Variants in CSF2RA observed in about 807,000 individuals in gnomAD.
CSF2RA encodes the protein colony stimulating factor 2 receptor subunit alpha.
A neutral mutation model predicts 51.6 loss-of-function variants in CSF2RA; 42 were observed. The ratio of observed to expected loss-of-function variants is 0.81; its 90% CI spans 0.64 to 1.05. CSF2RA has a LOEUF of 1.05. Among genes scored for constraint, CSF2RA ranks in the 50% least tolerant of loss-of-function variants. The probability of loss-of-function intolerance (pLI) is 0.00; values close to 1 mark genes in which losing one functional copy is unlikely to be tolerated. For synonymous variants in CSF2RA, 222 were observed against 193.0 expected, an observed-to-expected ratio of 1.15 and a Z score of -1.24; for missense variants, 530 against 501.1, an observed-to-expected ratio of 1.06 and a Z score of -0.55.
At chrX:1,321,596 C>T in the CSF2RA span, among the ~76,000 whole-genome samples, 1 of 151,292 alleles carries the variant, frequency 6.6e-6, no homozygotes, top group African/African-American at 2.4e-5. Flanking sequence ...AAAAGAAACG[C>T]AGACAGCATT....
In CSF2RA at chrX:1,305,492, G is replaced by A. The variant is rs1229381670; in HGVS notation, c.1090G>A (p.Asp364Asn). The change falls in exon 12 of 13, where the codon GAC becomes AAC. Residue 364 changes from aspartate to asparagine, a missense_variant. Asp to Asn is a conservative substitution (Grantham distance 23). Coordinates refer to ENST00000381529, the MANE Select transcript of CSF2RA (RefSeq NM_172245.4). ...RLFPPVPQIK[D>N]KLNDNHEVED... ...GTTCCCGCCAGTTCCACAGATCAAA[G>A]ACAAACTGAATGATAACCATGAGGT... is the stretch of plus-strand genomic sequence containing the variant. The A allele has an allele frequency of 1.9e-6, 3 of 1,613,840 alleles. No homozygotes were observed. In the African/African-American group the frequency reaches 4.0e-5, roughly 22 times the overall value.
At chrX:1,294,290 T>A in intron 7 of CSF2RA, 38 bp from the exon 8 acceptor site, 3 of 1,611,326 alleles carry the variant, frequency 1.9e-6, no homozygotes, top group Non-Finnish European at 2.5e-6. Context: ...AGACAGGACC[T>A]CTCGGGTTCA....
chrX:1,274,943 A>G (rs1310595838), intron 2 of CSF2RA, 125 bp downstream of exon 2: 1 of 427,540 alleles, frequency 2.3e-6, no homozygotes, highest in Non-Finnish European at 4.7e-6. Flanking sequence ...AACTCAGGGC[A>G]GAAGAATCTG....
At chrX:1,280,955 C>CCTTCTCCTA in intron 2 of CSF2RA, among the ~76,000 whole-genome samples, 1 of 111,614 alleles carries the variant, frequency 9.0e-6, no homozygotes, top group Non-Finnish European at 2.0e-5. Context: ...TGCTTCTCCT[C>CCTTCTCCTA]CTCCTCCTTC....
At chrX:1,303,874 C>T in intron 10 of CSF2RA, 49 bp from the exon 11 acceptor site, 1 of 1,441,540 alleles carries the variant, frequency 6.9e-7, no homozygotes, top group Non-Finnish European at 9.8e-7. Context: ...TTTCCTTTCA[C>T]ATGTCCGTCA....
the CSF2RA span, among the ~76,000 whole-genome samples, chrX:1,320,226 G>C: frequency 6.6e-6 from 1 of 150,756 alleles, no homozygotes; most frequent in African/African-American, 2.4e-5. Context: ...TGGAGTTTCA[G>C]CATGTTGGTC....
intron 2 of CSF2RA, 111 bp from the exon 3 acceptor site, chrX:1,282,567 G>C (rs372107447): frequency 1.2e-6 from 1 of 815,712 alleles, no homozygotes; most frequent in Non-Finnish European, 2.2e-6. Flanking sequence ...CCAGGTCAGC[G>C]GCTGACCACC....
chrX:1,299,617 TTTC>T (rs200585515), intron 9 of CSF2RA, among the ~76,000 whole-genome samples: 13,038 of 152,050 alleles, frequency 0.086, 749 homozygotes, highest in Non-Finnish European at 0.13. Context: ...ACAATTTCTG[TTTC>T]AGAAAATAAA....
chrX:1,287,950 T>G (rs1423607963), intron 4 of CSF2RA, among the ~76,000 whole-genome samples: 1 of 148,726 alleles, frequency 6.7e-6, no homozygotes, highest in Admixed American at 6.7e-5. Flanking sequence ...TTGGCCAGGC[T>G]GGTCTTGAAC....
chrX:1,283,549 T>C (rs111709758), intron 3 of CSF2RA, among the ~76,000 whole-genome samples: 37 of 150,538 alleles, frequency 2.5e-4, no homozygotes, highest in African/African-American at 8.5e-4. Flanking sequence ...CTTTCTTCTT[T>C]CTTTCTTTCT....
intron 2 of CSF2RA, chrX:1,281,933 C>A (rs1328351619): frequency 6.8e-6 from 1 of 146,430 alleles, no homozygotes; most frequent in Non-Finnish European, 1.5e-5. Flanking sequence ...CGGTGGCTCA[C>A]GCCTGTAATC....
chrX:1,304,087 A>T, intron 11 of CSF2RA, 68 bp downstream of exon 11: 1 of 1,300,022 alleles, frequency 7.7e-7, no homozygotes, highest in Non-Finnish European at 1.1e-6. Context: ...CGCTTTGTCC[A>T]GTCTCTGTCT....
downstream of CSF2RA, among the ~76,000 whole-genome samples, chrX:1,313,962 G>T (rs1359168965): frequency 2.0e-5 from 3 of 152,024 alleles, no homozygotes; most frequent in African/African-American, 7.2e-5. Context: ...TTGCACTCCG[G>T]CCTGGGTGAC....
In CSF2RA at chrX:1,294,389, G is replaced by A. The variant is rs749330435; in HGVS notation, c.708G>A (p.Arg236=). The change falls in exon 8 of 13, where the codon CGG becomes CGA. Residue 236 remains arginine (R), a synonymous_variant. Coordinates refer to ENST00000381529, the MANE Select transcript of CSF2RA (RefSeq NM_172245.4). ...GCAACACGACGCACTGCCTCGTACG[G>A]TGGAAACAGCCCAGGACCTATCAGA... The part of the protein sequence containing the change: ...VRCNTTHCLV[R]WKQPRTYQKL... The A allele has an allele frequency of 8.7e-6, 14 of 1,613,974 alleles. No homozygotes were observed. In the Admixed American group the frequency reaches 2.2e-4, roughly 25 times the overall value.
chrX:1,294,564 C>A, intron 8 of CSF2RA, 103 bp downstream of exon 8: 1 of 1,483,864 alleles, frequency 6.7e-7, no homozygotes, highest in Non-Finnish European at 9.3e-7. Flanking sequence ...GGGAAGGATG[C>A]GTGGGTGGTG....
At chrX:1,324,703 A>G in the CSF2RA span, among the ~76,000 whole-genome samples, 1 of 152,170 alleles carries the variant, frequency 6.6e-6, no homozygotes, top group Non-Finnish European at 1.5e-5. Flanking sequence ...CCGCTTGGGC[A>G]TGACCAAGAA....
chrX:1,302,942 G>T (rs2083145975), intron 10 of CSF2RA: 1 of 254,336 alleles, frequency 3.9e-6, no homozygotes, highest in Non-Finnish European at 7.2e-6. Flanking sequence ...CACGATCTCG[G>T]CTCACTGCAA....
intron 3 of CSF2RA, among the ~76,000 whole-genome samples, chrX:1,284,195 C>CTTTTTTTTT (rs752104115): frequency 2.2e-5 from 2 of 91,750 alleles, no homozygotes; most frequent in Admixed American, 1.4e-4. Context: ...CTCTGTCTCT[C>CTTTTTTTTT]TTTTTTTTTT....
the CSF2RA span, among the ~76,000 whole-genome samples, chrX:1,315,383 GA>G: frequency 6.6e-6 from 1 of 151,936 alleles, no homozygotes; most frequent in Non-Finnish European, 1.5e-5. Context: ...TTGATAGATA[GA>G]TGATAGATGA....
Sources: gnomAD v4.1 joint callset for allele counts (sites outside exome capture counted in the v4.1 genomes callset) on GRCh38, gnomAD v4.1.1 for gene constraint, MANE v1.5 for transcripts, NCBI Gene and HGNC (gene_info 2026-07-23, HGNC 2026-07-21) for gene names.